Variants in NAALADL2 observed in about 807,000 individuals in gnomAD.
The protein encoded by NAALADL2 is N-acetylated alpha-linked acidic dipeptidase like 2.
NAALADL2 carries 76 observed loss-of-function variants against 87.2 expected under a neutral mutation model. The observed-to-expected ratio is 0.87, with a 90% CI of 0.72 to 1.05. The LOEUF is 1.05. Ranked by LOEUF, NAALADL2 falls within the 50% of genes least tolerant of loss-of-function variation. The pLI is 0.00. For missense variants in NAALADL2, 1,089 were observed against 945.8 expected, an observed-to-expected ratio of 1.15 and a Z score of -1.99; for synonymous variants, 354 against 331.0, an observed-to-expected ratio of 1.07 and a Z score of -0.75.
At chr3:174,684,016 G>A (rs1727803220) in intron 2 of NAALADL2, among the ~76,000 whole-genome samples, 1 of 151,560 alleles carries the variant, frequency 6.6e-6, no homozygotes, top group African/African-American at 2.4e-5. Context: ...GGAATATATA[G>A]GCTTCAATTT....
rs912146743 is a variant in NAALADL2, at chr3:174,510,321, A to AT, written c.-183-40240dup. Among the ~76,000 whole-genome samples the AT allele has an allele frequency of 1.2e-3, 179 of 151,316 alleles. 2 individuals carry two copies. The highest frequency in any genetic ancestry group is 3.4e-3 in the Middle Eastern group (1 of 294). On this transcript the variant is annotated intron_variant, in intron 1 of 3. Coordinates refer to the NAALADL2 transcript ENST00000434257. ...GTTGAATCAATTTATTTTTATTTTT[A>AT]TTTTTTTTGCTTAAACGTTTGATAC...
intron 2 of NAALADL2, among the ~76,000 whole-genome samples, chr3:174,585,192 G>A (rs766248996): frequency 6.6e-6 from 1 of 152,064 alleles, no homozygotes; most frequent in African/African-American, 2.4e-5. Flanking sequence ...AACTCTCAGC[G>A]TAGGATATGC....
intron 13 of NAALADL2, among the ~76,000 whole-genome samples, chr3:175,772,038 A>G (rs910602810): frequency 1.3e-5 from 2 of 152,150 alleles, no homozygotes; most frequent in Admixed American, 6.6e-5. Flanking sequence ...TGTGGGGATT[A>G]TGGGAACTAC....
At chr3:174,567,956 T>C (rs1714481629) in intron 2 of NAALADL2, among the ~76,000 whole-genome samples, 1 of 151,722 alleles carries the variant, frequency 6.6e-6, no homozygotes. Flanking sequence ...TTACCACCTC[T>C]CTATTTGTTC....
At chr3:175,543,130 C>G (rs930971265) in intron 9 of NAALADL2, among the ~76,000 whole-genome samples, 1 of 152,270 alleles carries the variant, frequency 6.6e-6, no homozygotes, top group East Asian at 1.9e-4. Context: ...CACATAAATT[C>G]TTATCCACCT....
At chr3:175,274,027 A>G (rs1208454971) in intron 4 of NAALADL2, among the ~76,000 whole-genome samples, 4 of 152,204 alleles carry the variant, frequency 2.6e-5, no homozygotes, top group East Asian at 1.9e-4. Context: ...ATAATAGCAT[A>G]TAATTTTGTA....
chr3:174,952,483 G>A (rs1740519565), intron 1 of NAALADL2, among the ~76,000 whole-genome samples: 1 of 152,088 alleles, frequency 6.6e-6, no homozygotes, highest in African/African-American at 2.4e-5. Context: ...AGCCAGGGGT[G>A]TTTGGTCCTA....
chr3:174,706,034 A>C (rs1212053873), intron 2 of NAALADL2, among the ~76,000 whole-genome samples: 2 of 152,192 alleles, frequency 1.3e-5, no homozygotes, highest in African/African-American at 4.8e-5. Context: ...TCAACAAATA[A>C]ATTCAATACA....
chr3:175,520,885 AAAG>A (rs1164441533), intron 9 of NAALADL2, among the ~76,000 whole-genome samples: 4 of 152,278 alleles, frequency 2.6e-5, no homozygotes, highest in East Asian at 1.9e-4. Context: ...TGTCCAAAAG[AAAG>A]AAGAAGAAGA....
intron 1 of NAALADL2, among the ~76,000 whole-genome samples, chr3:174,986,970 A>G (rs902928759): frequency 6.6e-6 from 1 of 152,180 alleles, no homozygotes; most frequent in Non-Finnish European, 1.5e-5. Context: ...GAGGAATTAC[A>G]GAGTTTACTC....
chr3:174,522,477 A>G (rs562152603), intron 1 of NAALADL2, among the ~76,000 whole-genome samples: 1 of 152,006 alleles, frequency 6.6e-6, no homozygotes, highest in Non-Finnish European at 1.5e-5. Flanking sequence ...CTTGGATAAC[A>G]TAGACTTCAT....
At chr3:175,340,579 C>T (rs571513667) in intron 5 of NAALADL2, among the ~76,000 whole-genome samples, 2 of 152,256 alleles carry the variant, frequency 1.3e-5, no homozygotes, top group East Asian at 1.9e-4. Flanking sequence ...AGGCAGTTCT[C>T]AGCAGGGAGT....
At chr3:175,179,354 A>G (rs1199655882) in intron 2 of NAALADL2, among the ~76,000 whole-genome samples, 1 of 151,952 alleles carries the variant, frequency 6.6e-6, no homozygotes, top group African/African-American at 2.4e-5. Context: ...AGTTATGATA[A>G]AACTGACCTT....
At chr3:175,505,340 C>T (rs1373915432) in intron 9 of NAALADL2, among the ~76,000 whole-genome samples, 2 of 151,936 alleles carry the variant, frequency 1.3e-5, no homozygotes, top group African/African-American at 4.8e-5. Context: ...CTTATGTCTC[C>T]ACAGCCCCAA....
At chr3:175,537,361 TTTG>T (rs1734959683) in intron 9 of NAALADL2, among the ~76,000 whole-genome samples, 1 of 152,196 alleles carries the variant, frequency 6.6e-6, no homozygotes, top group Admixed American at 6.5e-5. Context: ...AATTAGAGAT[TTTG>T]TTTTCTTTTG....
At chr3:174,773,446 G>A (rs961799674) in intron 3 of NAALADL2, among the ~76,000 whole-genome samples, 1 of 152,148 alleles carries the variant, frequency 6.6e-6, no homozygotes, top group Non-Finnish European at 1.5e-5. Flanking sequence ...GGGGAAGAGG[G>A]CTTAGATGAT....
intron 13 of NAALADL2, among the ~76,000 whole-genome samples, chr3:175,798,953 G>A (rs192891461): frequency 1.3e-5 from 2 of 152,064 alleles, no homozygotes; most frequent in East Asian, 3.9e-4. Context: ...TTTGCAGATG[G>A]GGAAAAGTCA....
intron 5 of NAALADL2, among the ~76,000 whole-genome samples, chr3:175,428,161 T>C (rs1717135205): frequency 1.3e-5 from 2 of 152,110 alleles, no homozygotes; most frequent in Non-Finnish European, 2.9e-5. Flanking sequence ...ATCTTATATT[T>C]ATAAAAAAAC....
chr3:175,533,957 G>A (rs1345334531), intron 9 of NAALADL2, among the ~76,000 whole-genome samples: 11 of 151,786 alleles, frequency 7.2e-5, no homozygotes, highest in Non-Finnish European at 4.4e-5. Flanking sequence ...TATGGTCAAA[G>A]GTATTATGTA....
Sources: allele counts gnomAD v4.1 joint callset (sites outside exome capture counted in the v4.1 genomes callset), GRCh38; gene constraint gnomAD v4.1.1; transcripts MANE v1.5; gene names NCBI Gene and HGNC (gene_info 2026-07-23, HGNC 2026-07-21).